The following GABRB1 variants were observed in gnomAD, a reference collection of about 807,000 sequenced individuals.
GABRB1 encodes the protein gamma-aminobutyric acid receptor subunit beta-1.
A neutral mutation model predicts 51.6 loss-of-function variants in GABRB1; 17 were observed. The observed-to-expected ratio is 0.33, with a 90% confidence interval of 0.23 to 0.49. The LOEUF is 0.49. Ranked by LOEUF, GABRB1 falls within the 20% of genes least tolerant of loss-of-function variation. The pLI is 0.99. For missense variants in GABRB1, 410 were observed against 600.6 expected (o/e 0.68, Z 3.32); for synonymous variants, 247 against 218.9 (o/e 1.13, Z -1.14).
intron 5 of GABRB1, among the ~76,000 whole-genome samples, chr4:47,397,627 T>C (rs1464615892): frequency 1.3e-5 from 2 of 151,924 alleles, no homozygotes; most frequent in African/African-American, 4.8e-5. Flanking sequence ...AGTGCAGTGG[T>C]GAAATCTCGA....
chr4:47,265,187 G>A (rs1722603610), intron 4 of GABRB1, among the ~76,000 whole-genome samples: 1 of 152,022 alleles, frequency 6.6e-6, no homozygotes, highest in Admixed American at 6.6e-5. Flanking sequence ...CCACTTATAG[G>A]TGAGAATGTG....
intron 4 of GABRB1, among the ~76,000 whole-genome samples, chr4:47,200,899 A>C (rs559502941): frequency 6.6e-6 from 1 of 152,272 alleles, no homozygotes; most frequent in Non-Finnish European, 1.5e-5. Flanking sequence ...AAGCAGCCAT[A>C]GTGGTTAATA....
intron 3 of GABRB1, among the ~76,000 whole-genome samples, chr4:47,092,158 TTTC>T (rs1209168672): frequency 1.6e-5 from 2 of 127,452 alleles, no homozygotes; most frequent in South Asian, 2.6e-4. Flanking sequence ...TCTTTCTTTC[TTTC>T]TTTCTTTTTT....
At chr4:47,234,286 G>A (rs1193562899) in intron 4 of GABRB1, among the ~76,000 whole-genome samples, 10 of 152,198 alleles carry the variant, frequency 6.6e-5, no homozygotes, top group African/African-American at 2.2e-4. Flanking sequence ...TCAGGAGTTC[G>A]AGACCAGTCT....
At chr4:47,157,495 A>C (rs888621209) in intron 3 of GABRB1, among the ~76,000 whole-genome samples, 1 of 152,062 alleles carries the variant, frequency 6.6e-6, no homozygotes, top group Non-Finnish European at 1.5e-5. Context: ...GGGACGGATA[A>C]AAAAATTGTT....
intron 3 of GABRB1, among the ~76,000 whole-genome samples, chr4:47,034,926 T>A (rs1403072290): frequency 1.3e-5 from 2 of 152,164 alleles, no homozygotes; most frequent in Non-Finnish European, 1.5e-5. Context: ...TTCGGTGCCC[T>A]GATAGGCAGT....
At chr4:47,091,823 C>T (rs1728306976) in intron 3 of GABRB1, among the ~76,000 whole-genome samples, 1 of 152,184 alleles carries the variant, frequency 6.6e-6, no homozygotes, top group Admixed American at 6.5e-5. Flanking sequence ...ACGCCTCTGC[C>T]CTGGCTTTCT....
At chr4:47,287,742 C>T (rs1488040598) in intron 4 of GABRB1, among the ~76,000 whole-genome samples, 1 of 152,202 alleles carries the variant, frequency 6.6e-6, no homozygotes, top group Non-Finnish European at 1.5e-5. Context: ...GACTTCTAGC[C>T]AGCTGGCCCT....
At chr4:47,101,853 C>A (rs1714739050) in intron 3 of GABRB1, among the ~76,000 whole-genome samples, 1 of 151,992 alleles carries the variant, frequency 6.6e-6, no homozygotes, top group Non-Finnish European at 1.5e-5. Context: ...TTAGATATGG[C>A]ATGCTTATTT....
chr4:47,237,372 T>G (rs962028358), intron 4 of GABRB1, among the ~76,000 whole-genome samples: 4 of 151,984 alleles, frequency 2.6e-5, no homozygotes, highest in African/African-American at 9.7e-5. Context: ...TCATATTCTC[T>G]AGGAAATAAC....
At chr4:46,998,665 C>T (rs1474646806) in intron 1 of GABRB1, among the ~76,000 whole-genome samples, 3 of 138,896 alleles carry the variant, frequency 2.2e-5, no homozygotes, top group South Asian at 2.5e-4. Context: ...ACCCGGGAGG[C>T]GGAGCTTGCA....
chr4:47,227,305 G>T lies in GABRB1; in HGVS notation c.461+65836G>T, dbSNP rs1720978815. ...ATGTGTAAAATCCTAAGCTGGTAAGGATACCAATAACATTGAAAGCAATTG... is the reference window on the plus strand; with the variant it reads ...ATGTGTAAAATCCTAAGCTGGTAAGTATACCAATAACATTGAAAGCAATTG... On this transcript the variant is annotated intron_variant, in intron 4 of 8. Transcript: ENST00000295454. 2.0e-5 allele frequency among the ~76,000 whole-genome samples: 3 copies of T among 152,228 alleles called. No individual in the cohort carries two copies. The South Asian group carries it at 6.2e-4, about 32-fold the overall frequency.
intron 3 of GABRB1, among the ~76,000 whole-genome samples, chr4:47,034,124 G>A (rs1361724268): frequency 3.9e-5 from 6 of 152,046 alleles, no homozygotes; most frequent in Admixed American, 1.3e-4. Context: ...AGCATCCACA[G>A]ATAATTGATA....
At chr4:47,302,463 T>G (rs891265965) in intron 4 of GABRB1, among the ~76,000 whole-genome samples, 11 of 152,142 alleles carry the variant, frequency 7.2e-5, no homozygotes, top group African/African-American at 2.6e-4. Context: ...ATAATTTATA[T>G]AAGATTCACA....
chr4:47,234,259 G>A (rs951244078), intron 4 of GABRB1, among the ~76,000 whole-genome samples: 29 of 152,132 alleles, frequency 1.9e-4, no homozygotes, highest in East Asian at 5.8e-4. Flanking sequence ...AGGCCAAGGC[G>A]GGTGGATCAC....
intron 4 of GABRB1, among the ~76,000 whole-genome samples, chr4:47,241,906 C>T (rs1161126592): frequency 2.0e-5 from 3 of 151,380 alleles, no homozygotes; most frequent in East Asian, 3.9e-4. Flanking sequence ...TTTTATTATA[C>T]TTTAAGTTCT....
chr4:47,114,126 G>A (rs975467383), intron 3 of GABRB1, among the ~76,000 whole-genome samples: 1 of 152,258 alleles, frequency 6.6e-6, no homozygotes. Context: ...AGAATCATGC[G>A]TTATTCCCGA....
chr4:47,122,982 AAC>A (rs1380893152), intron 3 of GABRB1, among the ~76,000 whole-genome samples: 1 of 152,164 alleles, frequency 6.6e-6, no homozygotes, highest in African/African-American at 2.4e-5. Flanking sequence ...GAAGCTGTGA[AAC>A]AGAAATTTAA....
In GABRB1 at chr4:47,360,227, A is replaced by AT. The variant is rs532024259; in HGVS notation, c.544+40027dup. Among the ~76,000 whole-genome samples, 396 of 151,464 alleles carry AT rather than the reference A, an allele frequency of 2.6e-3. 1 individual carries two copies. Among genetic ancestry groups the AT allele is most frequent in the Non-Finnish European group, 4.6e-3 (312 of 67,790 alleles). On this transcript the variant is annotated intron_variant, in intron 5 of 8. Coordinates refer to ENST00000295454, the MANE Select transcript of GABRB1 (RefSeq NM_000812.4). ...ACATCTGTGATATGGGATAAGGAAG[A>AT]TTTTTTTTTCCAGAAAATTTGAAGA...
Sources: gnomAD v4.1 joint callset for allele counts (sites outside exome capture counted in the v4.1 genomes callset) on GRCh38, gnomAD v4.1.1 for gene constraint, MANE v1.5 for transcripts, NCBI Gene and HGNC (gene_info 2026-07-23, HGNC 2026-07-21) for gene names.